Variants in LRP1B observed in about 807,000 individuals in gnomAD.
LRP1B encodes low-density lipoprotein receptor-related protein 1B.
In LRP1B, 217 loss-of-function variants were observed where a neutral mutation model predicts 556.6. That is an observed-to-expected ratio of 0.39 (90% CI 0.35 to 0.44). The LOEUF is 0.44. Ranked by LOEUF, LRP1B falls within the 20% of genes least tolerant of loss-of-function variation. LRP1B has a pLI of 1.00. For missense variants in LRP1B, 5,053 were observed against 5,620.8 expected, an observed-to-expected ratio of 0.90 and a Z score of 3.23; for synonymous variants, 2,047 against 1,865.8, an observed-to-expected ratio of 1.10 and a Z score of -2.50.
At chr2:141,463,657 T>TATATAATA (rs1682038803) in intron 3 of LRP1B, among the ~76,000 whole-genome samples, 4 of 137,184 alleles carry the variant, frequency 2.9e-5, no homozygotes, top group African/African-American at 1.1e-4. Flanking sequence ...TATATATAAT[T>TATATAATA]ATATATATTA....
intron 1 of LRP1B, among the ~76,000 whole-genome samples, chr2:142,095,305 T>C (rs1706321243): frequency 6.6e-6 from 1 of 151,666 alleles, no homozygotes; most frequent in African/African-American, 2.4e-5. Flanking sequence ...TTTTAAAAAG[T>C]CCCTTAATAA....
chr2:141,221,395 C>A (rs891314119), intron 6 of LRP1B, among the ~76,000 whole-genome samples: 5 of 151,944 alleles, frequency 3.3e-5, no homozygotes, highest in Non-Finnish European at 5.9e-5. Context: ...TACAGGAGCA[C>A]CCAGTTTCAT....
At chr2:142,090,028 G>A (rs1436086533) in intron 1 of LRP1B, among the ~76,000 whole-genome samples, 2 of 151,972 alleles carry the variant, frequency 1.3e-5, no homozygotes, top group African/African-American at 4.8e-5. Context: ...AGTGTCAGAT[G>A]TGTTTGGCAT....
chr2:141,055,690 C>G (rs1479353898), intron 9 of LRP1B, among the ~76,000 whole-genome samples: 1 of 151,592 alleles, frequency 6.6e-6, no homozygotes, highest in African/African-American at 2.4e-5. Flanking sequence ...TATGGGCAAC[C>G]AAACTAGAGG....
chr2:140,898,347 G>A (rs769220638), intron 23 of LRP1B: 1 of 155,524 alleles, frequency 6.4e-6, no homozygotes, highest in African/African-American at 2.4e-5. Context: ...AACCTAGTTA[G>A]TGTGGGTCCT....
chr2:141,639,349 T>TACACACACACACAC (rs1553440025), intron 2 of LRP1B, among the ~76,000 whole-genome samples: 3 of 56,110 alleles, frequency 5.3e-5, no homozygotes, highest in African/African-American at 2.0e-4. Context: ...TATATATATA[T>TACACACACACACAC]ACACACACAC....
intron 6 of LRP1B, among the ~76,000 whole-genome samples, chr2:141,192,815 T>C (rs1681577554): frequency 1.3e-5 from 2 of 152,132 alleles, no homozygotes; most frequent in South Asian, 4.1e-4. Flanking sequence ...AATAAAAATA[T>C]TTTGAAACTT....
At chr2:141,975,019 A>T (rs1013881859) in intron 1 of LRP1B, among the ~76,000 whole-genome samples, 11 of 151,944 alleles carry the variant, frequency 7.2e-5, no homozygotes, top group Non-Finnish European at 1.0e-4. Context: ...ATCATATCTC[A>T]TTATAATGTG....
At chr2:141,293,310 TCA>T (rs1239083183) in intron 3 of LRP1B, among the ~76,000 whole-genome samples, 1 of 152,212 alleles carries the variant, frequency 6.6e-6, no homozygotes, top group Admixed American at 6.5e-5. Context: ...TACAGTTTTC[TCA>T]CTTTGGGATC....
At chr2:140,268,021 A>T (rs569324200) in intron 86 of LRP1B, among the ~76,000 whole-genome samples, 1 of 151,980 alleles carries the variant, frequency 6.6e-6, no homozygotes, top group East Asian at 2.0e-4. Flanking sequence ...CTGCACAGGG[A>T]GTCCTCCTGA....
intron 1 of LRP1B, among the ~76,000 whole-genome samples, chr2:141,866,499 G>C (rs1698416806): frequency 6.6e-6 from 1 of 152,164 alleles, no homozygotes; most frequent in East Asian, 1.9e-4. Context: ...AACTCAGAGA[G>C]AGGATATATC....
At position 141,005,375 on chromosome 2, in the gene LRP1B, G is replaced by A. The variant is rs770657509; in HGVS notation, c.2463C>T (p.Ala821=). The A allele has an allele frequency of 2.4e-5, 39 of 1,609,808 alleles. No individual in the cohort carries two copies. The highest frequency in any genetic ancestry group is 5.0e-5 in the Admixed American group (3 of 59,730). The change falls in exon 15 of 91, where the codon GCC becomes GCT. Residue 821 remains alanine, a synonymous_variant. Transcript: ENST00000389484. ...CATTTTCATCCAAAAGTTGATTATC[G>A]GCACAAGCACACACCCGGCCTCCTG... The part of the protein sequence containing the change: ...AIPGGRVCAC[A]DNQLLDENGT...
At chr2:141,718,625 T>C (rs1246209986) in intron 2 of LRP1B, among the ~76,000 whole-genome samples, 2 of 152,196 alleles carry the variant, frequency 1.3e-5, no homozygotes, top group East Asian at 1.9e-4. Context: ...CATGGACATA[T>C]GATGTCCAAA....
In LRP1B at chr2:141,844,169, A is replaced by G. The variant is rs115577224; in HGVS notation, c.83-33768T>C. 4.9e-3 allele frequency among the ~76,000 whole-genome samples: 744 copies of G among 152,228 alleles called. 6 individuals carry two copies. The highest frequency in any genetic ancestry group is 0.017 in the African/African-American group (719 of 41,538). ...ATAAGGAGAGTCAGAAAACTAGTTTATCTTTCTATCTGCCCCCTAGCCAAA... is the reference window on the plus strand; with the variant it reads ...ATAAGGAGAGTCAGAAAACTAGTTTGTCTTTCTATCTGCCCCCTAGCCAAA... On this transcript the variant is annotated intron_variant, in intron 1 of 90. Coordinates refer to ENST00000389484, the MANE Select transcript of LRP1B (RefSeq NM_018557.3).
chr2:140,282,350 GATAA>G (rs1329346283), intron 84 of LRP1B, among the ~76,000 whole-genome samples: 2 of 151,738 alleles, frequency 1.3e-5, no homozygotes, highest in African/African-American at 2.4e-5. Context: ...TCTTTTTATA[GATAA>G]ATAAACTGAT....
At chr2:141,708,821 A>C (rs1389834845) in intron 2 of LRP1B, among the ~76,000 whole-genome samples, 2 of 152,106 alleles carry the variant, frequency 1.3e-5, no homozygotes, top group Non-Finnish European at 2.9e-5. Flanking sequence ...ATGCATGCAC[A>C]AAGAAAAGGC....
chr2:141,105,540 T>G (rs1273619906), intron 7 of LRP1B, among the ~76,000 whole-genome samples: 1 of 152,136 alleles, frequency 6.6e-6, no homozygotes, highest in Admixed American at 6.6e-5. Flanking sequence ...CGGAGAAAGC[T>G]TAACCTGAGC....
At chr2:140,634,231 A>G (rs1427682462) in intron 41 of LRP1B, among the ~76,000 whole-genome samples, 1 of 152,182 alleles carries the variant, frequency 6.6e-6, no homozygotes, top group Non-Finnish European at 1.5e-5. Context: ...AAAACATTTG[A>G]TAAAATCCAA....
At chr2:140,748,368 T>TTC (rs1488618286) in intron 35 of LRP1B, among the ~76,000 whole-genome samples, 1 of 86,924 alleles carries the variant, frequency 1.2e-5, no homozygotes, top group Non-Finnish European at 2.3e-5. Context: ...TATATATTTA[T>TTC]ATATGTATAT....
Sources: gnomAD v4.1 joint callset for allele counts (sites outside exome capture counted in the v4.1 genomes callset) on GRCh38, gnomAD v4.1.1 for gene constraint, MANE v1.5 for transcripts, NCBI Gene and HGNC (gene_info 2026-07-23, HGNC 2026-07-21) for gene names.